LRRC4C: variants seen among roughly 807,000 people sequenced by gnomAD.
LRRC4C encodes leucine-rich repeat-containing protein 4C.
LRRC4C carries 5 observed loss-of-function variants against 33.6 expected under a neutral mutation model. That is an observed-to-expected ratio of 0.15 (90% CI 0.08 to 0.31). The LOEUF (loss-of-function observed/expected upper bound fraction) is 0.31. Ranked by LOEUF, LRRC4C falls within the 10% of genes least tolerant of loss-of-function variation. The pLI is 1.00. For synonymous variants in LRRC4C, 329 were observed against 302.0 expected, an observed-to-expected ratio of 1.09 and a Z score of -0.93; for missense variants, 560 against 796.7, an observed-to-expected ratio of 0.70 and a Z score of 3.58.
chr11:40,753,854 G>A lies in LRRC4C; in HGVS notation c.-406-105576C>T, dbSNP rs992407457. The stretch of plus-strand genomic sequence containing the variant: ...AAAAAATTCTTATCATTAATCATTA[G>A]AGAAATGCAAATTGAAACTACAATG... On this transcript the variant is annotated intron_variant, in intron 2 of 6. Transcript: ENST00000528697. 3.9e-5 allele frequency among the ~76,000 whole-genome samples: 6 copies of A among 151,932 alleles called. No individual in the cohort carries two copies. The East Asian group carries it at 1.2e-3, about 29-fold the overall frequency.
At chr11:41,337,004 A>G (rs1054906427) in intron 1 of LRRC4C, among the ~76,000 whole-genome samples, 2 of 152,180 alleles carry the variant, frequency 1.3e-5, no homozygotes, top group African/African-American at 2.4e-5. Context: ...AGAGGAATGT[A>G]CACTACCAGA....
chr11:40,566,093 T>TTC (rs1957754841), intron 3 of LRRC4C, among the ~76,000 whole-genome samples: 1 of 148,682 alleles, frequency 6.7e-6, no homozygotes, highest in African/African-American at 2.5e-5. Flanking sequence ...TAAGTTTTTT[T>TTC]TTTTTTTTTT....
intron 3 of LRRC4C, among the ~76,000 whole-genome samples, chr11:40,483,381 A>C (rs543033256): frequency 4.6e-4 from 70 of 152,296 alleles, no homozygotes; most frequent in Non-Finnish European, 8.5e-4. Flanking sequence ...GTTTGGGATC[A>C]TGGTGTAGTG....
chr11:41,453,474 G>C (rs1172677424), intron 1 of LRRC4C, among the ~76,000 whole-genome samples: 1 of 152,042 alleles, frequency 6.6e-6, no homozygotes, highest in South Asian at 2.1e-4. Flanking sequence ...TTTACAGAAG[G>C]CTTGCTCTGG....
chr11:40,468,013 C>T (rs771636465), intron 3 of LRRC4C, among the ~76,000 whole-genome samples: 10 of 152,050 alleles, frequency 6.6e-5, no homozygotes, highest in South Asian at 4.1e-4. Flanking sequence ...GATATTTGCA[C>T]GAGGAATATC....
intron 1 of LRRC4C, among the ~76,000 whole-genome samples, chr11:41,256,293 T>G (rs1268652744): frequency 6.6e-6 from 1 of 151,990 alleles, no homozygotes; most frequent in Non-Finnish European, 1.5e-5. Context: ...TGAGCAAGTC[T>G]CACTCAGCAG....
At chr11:40,367,083 T>C (rs1054628922) in intron 3 of LRRC4C, among the ~76,000 whole-genome samples, 6 of 152,114 alleles carry the variant, frequency 3.9e-5, no homozygotes, top group African/African-American at 1.4e-4. Context: ...ATTTAATACC[T>C]GCATCCTCAT....
chr11:41,076,292 T>C (rs1565360985), intron 1 of LRRC4C, among the ~76,000 whole-genome samples: 1 of 152,230 alleles, frequency 6.6e-6, no homozygotes, highest in Non-Finnish European at 1.5e-5. Flanking sequence ...TTCATAGCAG[T>C]GTCCACTTCA....
At chr11:41,278,833 C>T (rs1949564492) in intron 1 of LRRC4C, among the ~76,000 whole-genome samples, 1 of 151,950 alleles carries the variant, frequency 6.6e-6, no homozygotes, top group South Asian at 2.1e-4. Flanking sequence ...TGTTTTTTTC[C>T]CCCAACTTTT....
chr11:40,827,689 T>C (rs1009097500), intron 2 of LRRC4C, among the ~76,000 whole-genome samples: 11 of 151,820 alleles, frequency 7.2e-5, no homozygotes, highest in East Asian at 3.9e-4. Flanking sequence ...TTATTTATTT[T>C]CTCTTGATGA....
At chr11:40,553,905 T>C (rs1375280116) in intron 3 of LRRC4C, among the ~76,000 whole-genome samples, 3 of 151,648 alleles carry the variant, frequency 2.0e-5, no homozygotes, top group Non-Finnish European at 2.9e-5. Context: ...GTGTGCTCTG[T>C]TGATAGTTTC....
chr11:40,791,878 T>C, intron 2 of LRRC4C, among the ~76,000 whole-genome samples: 1 of 152,116 alleles, frequency 6.6e-6, no homozygotes, highest in East Asian at 1.9e-4. Context: ...GGTGATACAA[T>C]TCAGGAAGAT....
rs556906688 is a variant in LRRC4C at position 40,803,772 on chromosome 11, C to T, written c.-407+129863G>A. On this transcript the variant is annotated intron_variant, in intron 2 of 6. Transcript: ENST00000528697. ...ACAGGCGTGAGCCACCACGCCCGGC[C>T]TAATTTTTAATTTTTATGAGTACAT... 7.9e-5 allele frequency among the ~76,000 whole-genome samples: 12 copies of T among 152,078 alleles called. No individual in the cohort carries two copies. In the South Asian group the frequency reaches 2.5e-3, roughly 32 times the overall value.
At chr11:40,392,960 G>A (rs1303927731) in intron 3 of LRRC4C, among the ~76,000 whole-genome samples, 4 of 152,016 alleles carry the variant, frequency 2.6e-5, no homozygotes, top group Non-Finnish European at 4.4e-5. Flanking sequence ...ATCAGTAACA[G>A]AAAGGAACCA....
At chr11:40,225,056 A>G (rs1426204749) in intron 5 of LRRC4C, among the ~76,000 whole-genome samples, 1 of 152,226 alleles carries the variant, frequency 6.6e-6, no homozygotes, top group Non-Finnish European at 1.5e-5. Flanking sequence ...AGAGACCAGT[A>G]AAAACTTTTG....
At chr11:41,271,967 T>C (rs1015301513) in intron 1 of LRRC4C, among the ~76,000 whole-genome samples, 11 of 152,096 alleles carry the variant, frequency 7.2e-5, no homozygotes, top group Non-Finnish European at 1.6e-4. Flanking sequence ...TTACTTCTCC[T>C]ACATGTGATA....
At chr11:40,142,085 C>T (rs1346156314) in intron 5 of LRRC4C, among the ~76,000 whole-genome samples, 1 of 151,744 alleles carries the variant, frequency 6.6e-6, no homozygotes, top group African/African-American at 2.4e-5. Flanking sequence ...GAGTTCAAGA[C>T]CAGCCTGGCA....
At chr11:40,499,281 C>T (rs1352229806) in intron 3 of LRRC4C, among the ~76,000 whole-genome samples, 1 of 152,124 alleles carries the variant, frequency 6.6e-6, no homozygotes, top group Non-Finnish European at 1.5e-5. Flanking sequence ...TGAACTTGTA[C>T]AACTTCCATA....
chr11:41,115,787 G>T (rs1016814204), intron 1 of LRRC4C, among the ~76,000 whole-genome samples: 1 of 151,978 alleles, frequency 6.6e-6, no homozygotes, highest in Non-Finnish European at 1.5e-5. Flanking sequence ...TCAGTCTCCC[G>T]CAACTGGTAA....
Sources: allele counts gnomAD v4.1 joint callset (sites outside exome capture counted in the v4.1 genomes callset), GRCh38; gene constraint gnomAD v4.1.1; transcripts MANE v1.5; gene names NCBI Gene and HGNC (gene_info 2026-07-23, HGNC 2026-07-21).